Variants in ZNF385D observed in about 807,000 individuals in gnomAD.
ZNF385D encodes zinc finger protein 385D.
Under a neutral mutation model 35.8 loss-of-function variants are expected in ZNF385D, and 15 were observed. The observed-to-expected ratio is 0.42, with a 90% confidence interval of 0.28 to 0.64. The LOEUF (loss-of-function observed/expected upper bound fraction) is 0.64, where lower values mean the gene tolerates loss of function less well. ZNF385D is among the 30% of genes least tolerant of loss of function. The pLI, the probability that ZNF385D is intolerant of heterozygous loss-of-function variation, is 0.23. For synonymous variants in ZNF385D, 212 were observed against 186.8 expected (o/e 1.13, Z -1.10); for missense variants, 474 against 494.6 (o/e 0.96, Z 0.39).
intron 4 of ZNF385D, among the ~76,000 whole-genome samples, chr3:21,468,975 A>C (rs1182743273): frequency 6.6e-6 from 1 of 152,268 alleles, no homozygotes; most frequent in Admixed American, 6.5e-5. Context: ...ACATTCTAGA[A>C]AAGGAAAAAC....
chr3:22,356,399 T>C (rs1403782717), intron 2 of ZNF385D, among the ~76,000 whole-genome samples: 1 of 151,928 alleles, frequency 6.6e-6, no homozygotes, highest in African/African-American at 2.4e-5. Flanking sequence ...AAGGAAAGCA[T>C]TTTACAGTGG....
intron 3 of ZNF385D, among the ~76,000 whole-genome samples, chr3:22,083,510 A>G (rs1198872297): frequency 6.6e-6 from 1 of 152,174 alleles, no homozygotes; most frequent in Non-Finnish European, 1.5e-5. Flanking sequence ...TAATAAATGA[A>G]GTGAGAAGAG....
chr3:21,693,679 A>G (rs2067358524), intron 1 of ZNF385D, among the ~76,000 whole-genome samples: 1 of 152,164 alleles, frequency 6.6e-6, no homozygotes, highest in African/African-American at 2.4e-5. Flanking sequence ...TGTTAGAAAT[A>G]CTGGAATCAT....
intron 3 of ZNF385D, among the ~76,000 whole-genome samples, chr3:21,910,641 T>C (rs1301681263): frequency 6.6e-6 from 1 of 151,832 alleles, no homozygotes; most frequent in East Asian, 1.9e-4. Context: ...TATAATAATA[T>C]AATTGTGTGA....
intron 2 of ZNF385D, among the ~76,000 whole-genome samples, chr3:21,600,478 A>G (rs2064252425): frequency 6.6e-6 from 1 of 152,198 alleles, no homozygotes. Flanking sequence ...GAACAAGACC[A>G]CACTCATTCA....
chr3:22,225,065 T>G (rs1698473712), intron 2 of ZNF385D, among the ~76,000 whole-genome samples: 1 of 152,212 alleles, frequency 6.6e-6, no homozygotes, highest in African/African-American at 2.4e-5. Flanking sequence ...TATTTGCAAT[T>G]ACAGATAAAA....
intron 2 of ZNF385D, among the ~76,000 whole-genome samples, chr3:21,652,534 T>A (rs1012584496): frequency 6.6e-6 from 1 of 152,172 alleles, no homozygotes; most frequent in African/African-American, 2.4e-5. Flanking sequence ...GCAGGTTTGT[T>A]ACATATGTAT....
intron 3 of ZNF385D, among the ~76,000 whole-genome samples, chr3:22,062,785 C>T (rs78677608): frequency 6.6e-6 from 1 of 152,112 alleles, no homozygotes; most frequent in East Asian, 1.9e-4. Flanking sequence ...CTGGAAGATG[C>T]CAGCTGCCAT....
intron 3 of ZNF385D, among the ~76,000 whole-genome samples, chr3:21,518,565 T>A (rs1194157286): frequency 6.6e-6 from 1 of 152,188 alleles, no homozygotes; most frequent in Non-Finnish European, 1.5e-5. Context: ...TATCAAACTC[T>A]TAAAACTTCA....
chr3:22,202,974 G>T (rs764182389), intron 2 of ZNF385D, among the ~76,000 whole-genome samples: 1 of 152,044 alleles, frequency 6.6e-6, no homozygotes, highest in African/African-American at 2.4e-5. Flanking sequence ...CACAAAAATT[G>T]TAACTCCTAG....
intron 2 of ZNF385D, among the ~76,000 whole-genome samples, chr3:22,211,442 T>G (rs553426017): frequency 4.6e-5 from 7 of 152,014 alleles, no homozygotes; most frequent in African/African-American, 1.4e-4. Context: ...CTCATTTGTG[T>G]TATGTGTGGT....
chr3:21,790,953 G>C (rs1324658124), intron 3 of ZNF385D, among the ~76,000 whole-genome samples: 2 of 152,050 alleles, frequency 1.3e-5, no homozygotes, highest in Admixed American at 6.6e-5. Context: ...ACAACAAGGG[G>C]TAAGGAAACA....
At chr3:21,564,465 G>C in intron 3 of ZNF385D, 109 bp downstream of exon 3, 1 of 565,770 alleles carries the variant, frequency 1.8e-6, no homozygotes, top group Non-Finnish European at 2.9e-6. Flanking sequence ...TTTGAATTTT[G>C]ACATGCTCAG....
At chr3:22,281,249 C>G (rs1259734287) in intron 2 of ZNF385D, among the ~76,000 whole-genome samples, 1 of 152,048 alleles carries the variant, frequency 6.6e-6, no homozygotes, top group Non-Finnish European at 1.5e-5. Flanking sequence ...TCTGACTGCT[C>G]TGGCTAGGAT....
At chr3:21,862,930 T>C (rs1245409269) in intron 3 of ZNF385D, among the ~76,000 whole-genome samples, 1 of 152,168 alleles carries the variant, frequency 6.6e-6, no homozygotes, top group Non-Finnish European at 1.5e-5. Flanking sequence ...AATGTCATCC[T>C]ACATCCCACT....
intron 1 of ZNF385D, among the ~76,000 whole-genome samples, chr3:21,747,166 G>C (rs532438114): frequency 8.1e-4 from 123 of 151,780 alleles, no homozygotes; most frequent in Admixed American, 1.6e-3. Flanking sequence ...AATGAAGAGA[G>C]TTGATCCACA....
At chr3:21,916,571 A>G (rs1376033582) in intron 3 of ZNF385D, among the ~76,000 whole-genome samples, 1 of 152,232 alleles carries the variant, frequency 6.6e-6, no homozygotes, top group African/African-American at 2.4e-5. Context: ...TCGATTACAT[A>G]TGCTTTGGCA....
chr3:22,347,932 C>T (rs767610774), intron 2 of ZNF385D, among the ~76,000 whole-genome samples: 76 of 152,062 alleles, frequency 5.0e-4, no homozygotes, highest in Admixed American at 7.9e-4. Context: ...GAGTTGCCTT[C>T]AATATGATTG....
chr3:22,268,283 C>T (rs999718243), intron 2 of ZNF385D, among the ~76,000 whole-genome samples: 1 of 151,892 alleles, frequency 6.6e-6, no homozygotes, highest in African/African-American at 2.4e-5. Flanking sequence ...TATTTATCCA[C>T]TAATATTTAC....
Sources: gnomAD v4.1 joint callset for allele counts (sites outside exome capture counted in the v4.1 genomes callset) on GRCh38, gnomAD v4.1.1 for gene constraint, MANE v1.5 for transcripts, NCBI Gene and HGNC (gene_info 2026-07-23, HGNC 2026-07-21) for gene names.